The following CEP170B variants were observed in gnomAD, a reference collection of about 807,000 sequenced individuals.
The protein encoded by CEP170B is centrosomal protein 170B.
A neutral mutation model predicts 120.6 loss-of-function variants in CEP170B; 55 were observed. That is an observed-to-expected ratio of 0.46 (90% CI 0.37 to 0.57). CEP170B has a LOEUF of 0.57. CEP170B is among the 20% of genes least tolerant of loss of function. CEP170B has a pLI of 0.00. For missense variants in CEP170B, 2,212 were observed against 2,253.3 expected (o/e 0.98, Z 0.37); for synonymous variants, 1,033 against 954.5 (o/e 1.08, Z -1.52).
chr14:104,893,053 T>C lies in CEP170B; in HGVS notation c.3956T>C (p.Leu1319Pro). 5.0e-6 allele frequency: 8 copies of C among 1,598,052 alleles called. No homozygotes were observed. The highest frequency in any genetic ancestry group is 6.8e-6 in the Non-Finnish European group (8 of 1,174,136). The change falls in exon 14 of 19, where the codon CTG becomes CCG. Residue 1319 changes from leucine (L) to proline (P), a missense_variant. By Grantham distance (98) the Leu-to-Pro change is moderately conservative. Transcript: ENST00000414716. The stretch of plus-strand genomic sequence containing the variant: ...GATGTGGCTGGGGACGGTGACACAC[T>C]GGGCTCCTCGGAGCCTGCCCACAGC... ...IHDVAGDGDTLGSSEPAHSAS... is the reference protein window; with the variant it reads ...IHDVAGDGDTPGSSEPAHSAS...
At chr14:104,881,402 C>T (rs1366516048) in intron 6 of CEP170B, among the ~76,000 whole-genome samples, 5 of 152,204 alleles carry the variant, frequency 3.3e-5, no homozygotes, top group Non-Finnish European at 7.4e-5. Context: ...CACCCTGCCA[C>T]CCCCAGCTTT....
At chr14:104,893,475 G>T (rs1896945385) in intron 14 of CEP170B, 48 bp from the exon 15 acceptor site, 1 of 1,569,246 alleles carries the variant, frequency 6.4e-7, no homozygotes, top group Non-Finnish European at 8.6e-7. Context: ...CCACAGCCTG[G>T]CAGGAGCCTC....
upstream of CEP170B, among the ~76,000 whole-genome samples, chr14:104,865,110 G>T (rs576225070): frequency 0.013 from 2,010 of 150,972 alleles, 31 homozygotes; most frequent in African/African-American, 0.029. This position sits in a 1 kb window ranked among gnomAD's most constrained non-coding sequence, Gnocchi z 6.7. Flanking sequence ...ACCGGACCAC[G>T]CGCGGGGCTA....
At chr14:104,880,504 C>A in intron 6 of CEP170B, 79 bp downstream of exon 6, 1 of 1,554,140 alleles carries the variant, frequency 6.4e-7, no homozygotes, top group Non-Finnish European at 8.7e-7. Context: ...CTCTCTGCAC[C>A]CCTTAACCCT....
chr14:104,890,921 A>G (rs1595358953), intron 13 of CEP170B, among the ~76,000 whole-genome samples: 1 of 97,554 alleles, frequency 1.0e-5, no homozygotes, highest in African/African-American at 4.1e-5. Flanking sequence ...GGATGGATGG[A>G]TGGATGAGTG....
chr14:104,874,219 G>A (rs916444245), intron 2 of CEP170B, among the ~76,000 whole-genome samples: 1 of 152,190 alleles, frequency 6.6e-6, no homozygotes, highest in Admixed American at 6.5e-5. Flanking sequence ...GTCCAATGGA[G>A]GAGGTGATGT....
Position 104,886,997 on chromosome 14 carries a change from G to A in CEP170B, c.2758G>A (p.Ala920Thr). 6.2e-7 allele frequency: 1 copy of A among 1,609,356 alleles called. No homozygotes were observed. The highest frequency in any genetic ancestry group is 8.5e-7 in the Non-Finnish European group (1 of 1,179,670). Reference sequence around the variant, plus strand: ...CCTGATCTTGAAGGAGACGGAGACGGCCCTGGCGGCCCTGGAGGCCCGACT... The same window carrying A: ...CCTGATCTTGAAGGAGACGGAGACGACCCTGGCGGCCCTGGAGGCCCGACT... The part of the protein sequence containing the change: ...THLILKETET[A>T]LAALEARLLS... The change falls in exon 12 of 19, where the codon GCC becomes ACC. Residue 920 changes from alanine (A) to threonine (T), a missense_variant. By Grantham distance (58) the Ala-to-Thr change is moderately conservative. This residue lies in a region of CEP170B where 2,166 missense variants were observed against 2,166.7 expected (regional missense o/e 1.00). Transcript: ENST00000414716.
chr14:104,889,567 G>A, intron 12 of CEP170B, 53 bp from the exon 13 acceptor site: 1 of 1,602,692 alleles, frequency 6.2e-7, no homozygotes, highest in Non-Finnish European at 8.5e-7. Flanking sequence ...CTGAGGAGGA[G>A]TACGGCTCCC....
At chr14:104,877,805 G>C (rs61071258) in intron 3 of CEP170B, 80 bp from the exon 4 acceptor site, 17 of 588,264 alleles carry the variant, frequency 2.9e-5, no homozygotes, top group African/African-American at 8.5e-5. Context: ...CACCTGCTCA[G>C]CCCCACCACC....
intron 1 of CEP170B, among the ~76,000 whole-genome samples, chr14:104,866,404 G>C (rs1895210151): frequency 6.6e-6 from 1 of 152,082 alleles, no homozygotes; most frequent in African/African-American, 2.4e-5. Context: ...AGAGCACCCT[G>C]TGGTCTCCCC....
At chr14:104,890,433 A>G (rs1199522451) in intron 13 of CEP170B, among the ~76,000 whole-genome samples, 76 of 54,646 alleles carry the variant, frequency 1.4e-3, no homozygotes, top group East Asian at 3.5e-3. Flanking sequence ...TGGATGAGTG[A>G]GTGGGTGGAT....
In CEP170B at chr14:104,892,969, G is replaced by C. The variant is rs3742939; in HGVS notation, c.3879-7G>C. The C allele has an allele frequency of 0.73, 1,142,125 of 1,557,768 alleles. 433,067 individuals are homozygous for C. Among genetic ancestry groups the C allele is most frequent in the Middle Eastern group, 0.81 (4,747 of 5,834 alleles). ...GCAGAACCTGCCGTCTTTCCTGCCG[G>C]CTGCAGGCTGAGCCAGACGCTGGTG... On this transcript the variant is annotated splice_polypyrimidine_tract_variant and splice_region_variant and intron_variant, in intron 13 of 18. Transcript: ENST00000414716.
rs1288145924 is a variant in CEP170B at position 104,886,946 on chromosome 14, A to G, written c.2707A>G (p.Met903Val). The stretch of plus-strand genomic sequence containing the variant: ...CCTGGCCGCTACCCGGGCCGCACGC[A>G]TGGACTTCCACTCCCAGGACACCCA... ...QDLAATRAARMDFHSQDTHLI... is the reference protein window; with the variant it reads ...QDLAATRAARVDFHSQDTHLI... The change falls in exon 12 of 19, where the codon ATG becomes GTG. Residue 903 changes from methionine (M) to valine (V), a missense_variant. Met to Val is a conservative substitution (Grantham distance 21, BLOSUM62 1). Transcript: ENST00000414716. The G allele has an allele frequency of 1.9e-6, 3 of 1,608,886 alleles. No homozygotes were observed. Among genetic ancestry groups the G allele is most frequent in the Non-Finnish European group, 2.5e-6 (3 of 1,179,794 alleles).
upstream of CEP170B, among the ~76,000 whole-genome samples, chr14:104,865,054 T>A (rs1387615175): frequency 1.5e-5 from 1 of 65,440 alleles, no homozygotes; most frequent in Admixed American, 1.5e-4. The surrounding 1 kb of genome is among the most constrained non-coding windows in gnomAD (Gnocchi z 6.7). Flanking sequence ...TGGGGGAAGG[T>A]GGGCCTGGGG....
Position 104,865,728 on chromosome 14 carries a change from G to A in CEP170B, c.-28+215G>A, listed in dbSNP as rs971368607. ...CCGGGAGGAGCCGCCCCGTTTCTAC[G>A]CGGCCTGCGGAGGGGGCGGCAAGCC... On this transcript the variant is annotated intron_variant, in intron 1 of 18. Coordinates refer to ENST00000414716, the MANE Select transcript of CEP170B (RefSeq NM_001112726.3). This position sits in a 1 kb window ranked among gnomAD's most constrained non-coding sequence, Gnocchi z 6.7. 2.0e-5 allele frequency among the ~76,000 whole-genome samples: 3 copies of A among 151,998 alleles called. No homozygotes were observed. Among genetic ancestry groups the A allele is most frequent in the African/African-American group, 7.2e-5 (3 of 41,440 alleles).
Position 104,887,085 on chromosome 14 carries a change from C to A in CEP170B, c.2846C>A (p.Ala949Asp). 6.2e-7 allele frequency: 1 copy of A among 1,611,442 alleles called. No homozygotes were observed. The highest frequency in any genetic ancestry group is 1.1e-5 in the South Asian group (1 of 91,070). ...AGCACCCCGAGGCCGCCGGAGGACG[C>A]CCTGTCTGGGGACTCGGACGTGGAC... is the stretch of plus-strand genomic sequence containing the variant. ...GGSTPRPPED[A>D]LSGDSDVDTA... Residue 949 changes from alanine to aspartate, a missense_variant, in exon 12 of 19, where the codon GCC becomes GAC. This residue lies in a region of CEP170B where 2,166 missense variants were observed against 2,166.7 expected (regional missense o/e 1.00). Coordinates refer to ENST00000414716, the MANE Select transcript of CEP170B (RefSeq NM_001112726.3).
At chr14:104,881,415 C>G (rs1423296838) in intron 6 of CEP170B, among the ~76,000 whole-genome samples, 1 of 152,192 alleles carries the variant, frequency 6.6e-6, no homozygotes, top group East Asian at 1.9e-4. Context: ...CCAGCTTTGG[C>G]CCCATGTCTG....
At chr14:104,890,396 GGA>G (rs1171595813) in intron 13 of CEP170B, among the ~76,000 whole-genome samples, 1 of 144,308 alleles carries the variant, frequency 6.9e-6, no homozygotes, top group Non-Finnish European at 1.5e-5. Flanking sequence ...ATGAGTGGAT[GGA>G]TGGATGGATG....
rs746835504 is a variant in CEP170B at position 104,885,409 on chromosome 14, C to T, written c.1811C>T (p.Ser604Phe). The change falls in exon 10 of 19, where the codon TCT (serine) becomes TTT (phenylalanine). Residue 604 changes from serine to phenylalanine, a missense_variant. By Grantham distance (155) the Ser-to-Phe change is radical (BLOSUM62 -2). This residue lies in a region of CEP170B where 2,166 missense variants were observed against 2,166.7 expected (regional missense o/e 1.00). Coordinates refer to ENST00000414716, the MANE Select transcript of CEP170B (RefSeq NM_001112726.3). Reference protein sequence around the residue: ...VLESPELSRASSATFRPVIRG... With the variant: ...VLESPELSRAFSATFRPVIRG... Reference sequence around the variant, plus strand: ...GAGTCCCCTGAACTCTCCAGGGCATCTTCGGCCACCTTTCGCCCAGTCATC... The same window carrying T: ...GAGTCCCCTGAACTCTCCAGGGCATTTTCGGCCACCTTTCGCCCAGTCATC... 4.8e-5 allele frequency: 75 copies of T among 1,568,354 alleles called. No individual in the cohort carries two copies. In the Middle Eastern group the frequency reaches 8.3e-4, roughly 17 times the overall value.
Sources: gnomAD v4.1 joint callset for allele counts (sites outside exome capture counted in the v4.1 genomes callset) on GRCh38, gnomAD v4.1.1 for gene constraint, gnomAD v4.1.1 regional missense constraint, Gnocchi (gnomAD v3.1) non-coding constraint, MANE v1.5 for transcripts, NCBI Gene and HGNC (gene_info 2026-07-23, HGNC 2026-07-21) for gene names.